RBM33: variants seen among roughly 807,000 people sequenced by gnomAD.
The protein encoded by RBM33 is RNA-binding protein 33.
A neutral mutation model predicts 132.6 loss-of-function variants in RBM33; 28 were observed. The observed-to-expected ratio is 0.21, with a 90% confidence interval of 0.16 to 0.29. The LOEUF is 0.29. Among genes scored for constraint, RBM33 ranks in the 10% least tolerant of loss-of-function variants. The pLI is 1.00. For synonymous variants in RBM33, 634 were observed against 593.0 expected (o/e 1.07, Z -1.01); for missense variants, 1,291 against 1,518.5 (o/e 0.85, Z 2.49).
chr7:155,653,619 G>C (rs558587036), intron 1 of RBM33, among the ~76,000 whole-genome samples: 1 of 152,150 alleles, frequency 6.6e-6, no homozygotes, highest in Non-Finnish European at 1.5e-5. Flanking sequence ...CCATTAGTCA[G>C]TGATTTAATC....
intron 14 of RBM33, among the ~76,000 whole-genome samples, chr7:155,751,896 T>A (rs1473098821): frequency 6.6e-6 from 1 of 152,246 alleles, no homozygotes. Flanking sequence ...GTTTTTCTAA[T>A]GCCAACACTC....
At chr7:155,703,693 A>G (rs1040949218) in intron 6 of RBM33, among the ~76,000 whole-genome samples, 3 of 152,180 alleles carry the variant, frequency 2.0e-5, no homozygotes, top group Non-Finnish European at 4.4e-5. Context: ...CCCCCAAACA[A>G]AAGATGAATT....
chr7:155,726,337 G>A (rs1211599827), intron 9 of RBM33, among the ~76,000 whole-genome samples: 1 of 151,528 alleles, frequency 6.6e-6, no homozygotes, highest in Non-Finnish European at 1.5e-5. Context: ...TTTGTGCTAA[G>A]CAATTTATGC....
chr7:155,670,652 G>A (rs1283454823), intron 2 of RBM33, among the ~76,000 whole-genome samples: 1 of 152,130 alleles, frequency 6.6e-6, no homozygotes, highest in Non-Finnish European at 1.5e-5. Context: ...ACCTGAGAGG[G>A]GTATTATGTC....
rs751126694 is a variant in RBM33, at chr7:155,774,734, G to A, written c.3464+87G>A. 2.5e-5 allele frequency: 28 copies of A among 1,107,614 alleles called. No individual in the cohort carries two copies. Among genetic ancestry groups the A allele is most frequent in the Non-Finnish European group, 3.6e-5 (26 of 719,966 alleles). 68.6% of individuals were successfully genotyped at this position (1,107,614 alleles called of 1,614,324 possible). A position where few individuals can be genotyped will look rare whatever the true frequency, so the allele number is the denominator to read the frequency against. On this transcript the variant is annotated intron_variant, in intron 17 of 17. Coordinates refer to ENST00000401878, the MANE Select transcript of RBM33 (RefSeq NM_053043.3). The surrounding 1 kb of genome is among the most constrained non-coding windows in gnomAD (Gnocchi z 4.2). ...GCCCTCCCATCCATCATGGTAGCAA[G>A]CGTGTGTCCCCACCTGTTCCTGTAG...
intron 16 of RBM33, among the ~76,000 whole-genome samples, chr7:155,773,049 GCT>G (rs1802482224): frequency 6.6e-6 from 1 of 152,164 alleles, no homozygotes; most frequent in African/African-American, 2.4e-5. Flanking sequence ...TTCCATTGTA[GCT>G]CTTTGACATG....
chr7:155,745,484 G>A lies in RBM33; in HGVS notation c.2861G>A (p.Gly954Asp). ...PQTPRVASIQ[G>D]RPQDTKPGVK... The stretch of plus-strand genomic sequence containing the variant: ...ACTCCTCGAGTGGCGTCCATCCAGG[G>A]CCGGCCCCAGGACACAAAGCCTGGC... Residue 954 changes from glycine to aspartate, a missense_variant, in exon 14 of 18, where the codon GGC (glycine) becomes GAC (aspartate). Around this residue, in one of 7 missense-constraint regions of RBM33, gnomAD observed 841 missense variants for 912.0 expected, o/e 0.92. Transcript: ENST00000401878. The surrounding 1 kb of genome is among the most constrained non-coding windows in gnomAD (Gnocchi z 4.1). The A allele has an allele frequency of 6.2e-7, 1 of 1,613,664 alleles. No individual in the cohort carries two copies. The highest frequency in any genetic ancestry group is 1.7e-5 in the Admixed American group (1 of 59,986).
intron 5 of RBM33, among the ~76,000 whole-genome samples, chr7:155,683,827 T>A (rs1799401180): frequency 6.6e-6 from 1 of 152,252 alleles, no homozygotes; most frequent in Admixed American, 6.5e-5. Flanking sequence ...ATTAAGATTT[T>A]ATTGTTCTGT....
chr7:155,686,494 T>A (rs551830457), intron 5 of RBM33, among the ~76,000 whole-genome samples: 1 of 152,044 alleles, frequency 6.6e-6, no homozygotes, highest in African/African-American at 2.4e-5. Flanking sequence ...TTTTTTTAAA[T>A]TATATTTTAA....
chr7:155,742,482 C>T (rs1801381356), intron 13 of RBM33, among the ~76,000 whole-genome samples: 1 of 152,164 alleles, frequency 6.6e-6, no homozygotes, highest in African/African-American at 2.4e-5. Context: ...ATAGTTCTTC[C>T]ATGAATAGAT....
chr7:155,693,291 AGCTAGAAGTT>A (rs1799697601), intron 5 of RBM33, among the ~76,000 whole-genome samples: 1 of 151,940 alleles, frequency 6.6e-6, no homozygotes, highest in South Asian at 2.1e-4. Flanking sequence ...GAAGGCAAAG[AGCTAGAAGTT>A]GCATCTGTTT....
Position 155,678,702 on chromosome 7 carries a change from A to G in RBM33, c.248+18A>G, listed in dbSNP as rs755006590. On this transcript the variant is annotated intron_variant, in intron 4 of 17. Coordinates refer to ENST00000401878, the MANE Select transcript of RBM33 (RefSeq NM_053043.3). ...AATTTCAGGTACTCAATATTACCTC[A>G]TTATAAATGTTCTTTATTTAACTAA... 1.0e-5 allele frequency: 13 copies of G among 1,251,278 alleles called. No homozygotes were observed. In the South Asian group the frequency reaches 1.7e-4, roughly 17 times the overall value. 77.5% of individuals were successfully genotyped at this position (1,251,278 alleles called of 1,614,324 possible).
At chr7:155,732,838 G>C (rs186588647) in intron 9 of RBM33, among the ~76,000 whole-genome samples, 37 of 152,316 alleles carry the variant, frequency 2.4e-4, no homozygotes, top group African/African-American at 8.4e-4. Flanking sequence ...GTGAGAGAAG[G>C]AGCTGCCCAG....
At chr7:155,736,245 G>A (rs1801122712) in intron 9 of RBM33, among the ~76,000 whole-genome samples, 1 of 152,210 alleles carries the variant, frequency 6.6e-6, no homozygotes, top group African/African-American at 2.4e-5. Context: ...TGTGTTTAGA[G>A]GGAACAGTGA....
intron 1 of RBM33, among the ~76,000 whole-genome samples, chr7:155,663,587 G>C (rs1183358395): frequency 3.3e-5 from 5 of 152,138 alleles, no homozygotes; most frequent in Non-Finnish European, 5.9e-5. Flanking sequence ...CCTCCCACCA[G>C]GCCCCACCTC....
chr7:155,729,279 C>T (rs1025862563), intron 9 of RBM33, among the ~76,000 whole-genome samples: 1 of 152,166 alleles, frequency 6.6e-6, no homozygotes, highest in Non-Finnish European at 1.5e-5. Context: ...GTGGGGATTA[C>T]AGTTCGAGAT....
intron 2 of RBM33, among the ~76,000 whole-genome samples, chr7:155,670,293 G>C (rs1798911017): frequency 1.3e-5 from 2 of 152,224 alleles, no homozygotes; most frequent in African/African-American, 4.8e-5. Context: ...CCCAGTGCTT[G>C]TTTGATTTCC....
chr7:155,706,847 T>C lies in RBM33; in HGVS notation c.740-13T>C, dbSNP rs947161213. 4 of 1,584,668 alleles carry C rather than the reference T, an allele frequency of 2.5e-6. No individual in the cohort carries two copies. Among genetic ancestry groups the C allele is most frequent in the Non-Finnish European group, 3.4e-6 (4 of 1,165,150 alleles). On this transcript the variant is annotated splice_polypyrimidine_tract_variant and intron_variant, in intron 6 of 17. Coordinates refer to ENST00000401878, the MANE Select transcript of RBM33 (RefSeq NM_053043.3). ...TCGGAAAGTAACTAACACATACACA[T>C]TTTTTCACATAGAGCTTTCAGCAGA...
intron 7 of RBM33, among the ~76,000 whole-genome samples, chr7:155,710,402 A>C (rs1800247307): frequency 6.6e-6 from 1 of 152,208 alleles, no homozygotes; most frequent in Non-Finnish European, 1.5e-5. Flanking sequence ...TACTGACCGT[A>C]TAGTAGGAAC....
Sources: gnomAD v4.1 joint callset for allele counts (sites outside exome capture counted in the v4.1 genomes callset) on GRCh38, gnomAD v4.1.1 for gene constraint, gnomAD v4.1.1 regional missense constraint, Gnocchi (gnomAD v3.1) non-coding constraint, MANE v1.5 for transcripts, NCBI Gene and HGNC (gene_info 2026-07-23, HGNC 2026-07-21) for gene names.